The following AGBL2 variants were observed in gnomAD, a reference collection of about 807,000 sequenced individuals.
The protein encoded by AGBL2 is AGBL carboxypeptidase 2, also known as cytosolic carboxypeptidase 2.
In AGBL2, 87 loss-of-function variants were observed where a neutral mutation model predicts 103.0. That is an observed-to-expected ratio of 0.84 (90% confidence interval 0.71 to 1.01). AGBL2 has a LOEUF of 1.01. AGBL2 is among the 50% of genes least tolerant of loss of function. The probability of loss-of-function intolerance (pLI) is 0.00; values close to 1 mark genes in which losing one functional copy is unlikely to be tolerated. For synonymous variants in AGBL2, 335 were observed against 356.7 expected (o/e 0.94, Z 0.69); for missense variants, 904 against 1,023.5 (o/e 0.88, Z 1.59).
chr11:47,663,780 T>A (rs1004804189), intron 17 of AGBL2, among the ~76,000 whole-genome samples: 5 of 151,918 alleles, frequency 3.3e-5, no homozygotes, highest in African/African-American at 1.2e-4. Context: ...GGTCTTGAAC[T>A]CCCGACCTCA....
chr11:47,681,322 T>A (rs2097400343), intron 12 of AGBL2, among the ~76,000 whole-genome samples: 1 of 151,734 alleles, frequency 6.6e-6, no homozygotes, highest in East Asian at 1.9e-4. Flanking sequence ...AAAGAAACCC[T>A]GTCTCAAAAA....
At position 47,714,717 on chromosome 11, in the gene AGBL2, A is replaced by G. The variant is rs1296305160; in HGVS notation, c.-67T>C. 1 of 1,471,882 alleles carries G rather than the reference A, an allele frequency of 6.8e-7. No homozygotes were observed. Among genetic ancestry groups the G allele is most frequent in the Non-Finnish European group, 9.5e-7 (1 of 1,050,956 alleles). The allele number at this position is 1,471,882 out of a possible 1,614,324, so 91.2% of individuals were successfully genotyped here. ...AGCATCCAGTCGCAAACCCTGCCCAATTTCCAAATAGGCAGCTGATTACAC... is the reference window on the plus strand; with the variant it reads ...AGCATCCAGTCGCAAACCCTGCCCAGTTTCCAAATAGGCAGCTGATTACAC... On this transcript the variant is annotated 5_prime_UTR_variant, in exon 2 of 19. Transcript: ENST00000525123.
chr11:47,668,371 C>T (rs1368744685), intron 15 of AGBL2, among the ~76,000 whole-genome samples: 4 of 151,926 alleles, frequency 2.6e-5, no homozygotes, highest in Non-Finnish European at 4.4e-5. Context: ...GTGGCATGTG[C>T]CTGTAATCCC....
chr11:47,705,232 A>G (rs1223119524), intron 6 of AGBL2: 2 of 153,074 alleles, frequency 1.3e-5, no homozygotes, highest in African/African-American at 4.8e-5. Context: ...GACATAAAAC[A>G]AAGAAGATGG....
At position 47,682,805 on chromosome 11, in the gene AGBL2, C is replaced by T. The variant is rs369097888; in HGVS notation, c.1789-710G>A. On this transcript the variant is annotated intron_variant, in intron 11 of 18. Coordinates refer to ENST00000525123, the MANE Select transcript of AGBL2 (RefSeq NM_024783.4). ...AGTTGGAAAGTATCTCATTGTCCAG[C>T]GATTTTTAAATTGTGCTCTGTGGAA... Among the ~76,000 whole-genome samples, 9 of 152,168 alleles carry T rather than the reference C, an allele frequency of 5.9e-5. No homozygotes were observed. The East Asian group carries it at 9.6e-4, about 16-fold the overall frequency.
At chr11:47,697,766 T>C (rs558925957) in intron 8 of AGBL2, among the ~76,000 whole-genome samples, 11 of 151,604 alleles carry the variant, frequency 7.3e-5, no homozygotes, top group Non-Finnish European at 1.3e-4. Flanking sequence ...CAGGATGGTC[T>C]CAATTTCCTG....
chr11:47,713,149 G>A (rs916554430), intron 3 of AGBL2, among the ~76,000 whole-genome samples: 2 of 151,864 alleles, frequency 1.3e-5, no homozygotes, highest in African/African-American at 4.8e-5. Context: ...AGACCAGCCT[G>A]GCCAACATGT....
At chr11:47,679,251 A>G (rs1402087887) in intron 13 of AGBL2, among the ~76,000 whole-genome samples, 2 of 151,744 alleles carry the variant, frequency 1.3e-5, no homozygotes, top group African/African-American at 4.8e-5. Context: ...CCCTGTCTCT[A>G]TAAAAGCTTA....
chr11:47,706,034 T>A lies in AGBL2; in HGVS notation c.233-117A>T. 3 of 778,868 alleles carry A rather than the reference T, an allele frequency of 3.9e-6. No homozygotes were observed. The South Asian group carries it at 4.4e-5, about 11-fold the overall frequency. The allele number at this position is 778,868 out of a possible 1,614,324, so 48.2% of individuals were successfully genotyped here. A position where few individuals can be genotyped will look rare whatever the true frequency, so the allele number is the denominator to read the frequency against. Reference sequence around the variant, plus strand: ...CTCACTCTGGACCCCTGCATTTCTATCTAAATCTTTCTCCCATACTTTAAT... The same window carrying A: ...CTCACTCTGGACCCCTGCATTTCTAACTAAATCTTTCTCCCATACTTTAAT... On this transcript the variant is annotated intron_variant, in intron 4 of 18. Transcript: ENST00000525123.
intron 13 of AGBL2, among the ~76,000 whole-genome samples, chr11:47,678,343 A>ATTATTTTATTTTTTTTTTTTTTTTTTT (rs2097385523): frequency 2.6e-5 from 3 of 116,762 alleles, no homozygotes; most frequent in Non-Finnish European, 5.7e-5. Flanking sequence ...TTATTATTTT[A>ATTATTTTATTTTTTTTTTTTTTTTTTT]TTTTTTTTGA....
rs554686158 is a variant in AGBL2 at position 47,714,766 on chromosome 11, A to G, written c.-100-16T>C. ...ACAAGAGAAGCTACAAAGCCACAAG[A>G]GGACAAGTGAAAAAACTGCCAATAC... On this transcript the variant is annotated splice_polypyrimidine_tract_variant and intron_variant, in intron 1 of 18. Coordinates refer to ENST00000525123, the MANE Select transcript of AGBL2 (RefSeq NM_024783.4). 133 of 1,080,978 alleles carry G rather than the reference A, an allele frequency of 1.2e-4. 2 individuals carry two copies. The East Asian group carries it at 3.1e-3, about 25-fold the overall frequency. The allele number at this position is 1,080,978 out of a possible 1,614,324, so 67.0% of individuals were successfully genotyped here. A position where few individuals can be genotyped will look rare whatever the true frequency, so the allele number is the denominator to read the frequency against.
In AGBL2 at chr11:47,699,531, T is replaced by A; in HGVS notation, c.609A>T (p.Glu203Asp). The A allele has an allele frequency of 6.2e-7, 1 of 1,608,264 alleles. No individual in the cohort carries two copies. The change falls in exon 8 of 19, where the codon GAA becomes GAT. Residue 203 changes from glutamate to aspartate, a missense_variant. Transcript: ENST00000525123. ...CATTTCCTTTAGGCTGATAGAAATA[T>A]TCTGGTTGAGGTGGAGCCCACTCTG... ...HHIEWAPPQP[E>D]YFYQPKGNEK...
intron 14 of AGBL2, among the ~76,000 whole-genome samples, chr11:47,674,812 T>C (rs948769325): frequency 6.6e-6 from 1 of 151,814 alleles, no homozygotes; most frequent in Non-Finnish European, 1.5e-5. Flanking sequence ...CTCGGCTCAC[T>C]GCAACCTCCG....
rs774994505 is a variant in AGBL2 at position 47,682,079 on chromosome 11, C to T, written c.1805G>A (p.Cys602Tyr). The T allele has an allele frequency of 1.9e-6, 3 of 1,613,654 alleles. No individual in the cohort carries two copies. Among genetic ancestry groups the T allele is most frequent in the South Asian group, 2.2e-5 (2 of 91,042 alleles). ...NAPDKFSFHS[C>Y]NFKVQKCKEG... ...TTTGCATTTTTGGACCTTAAAATTACAACTGTGAAAAGAGAACTAAAAAGA... is the reference window on the plus strand; with the variant it reads ...TTTGCATTTTTGGACCTTAAAATTATAACTGTGAAAAGAGAACTAAAAAGA... Residue 602 changes from cysteine to tyrosine, a missense_variant, in exon 12 of 19, where the codon TGT becomes TAT. Coordinates refer to ENST00000525123, the MANE Select transcript of AGBL2 (RefSeq NM_024783.4).
At chr11:47,685,868 A>G in intron 11 of AGBL2, 25 bp downstream of exon 11, 1 of 1,607,466 alleles carries the variant, frequency 6.2e-7, no homozygotes, top group Non-Finnish European at 8.5e-7. Flanking sequence ...AACTCAATGG[A>G]GAGAAAATTA....
rs117216255 is a variant in AGBL2 at position 47,680,039 on chromosome 11, A to G, written c.1950T>C (p.Asp650=). The G allele has an allele frequency of 1.7e-4, 282 of 1,612,402 alleles. No individual in the cohort carries two copies. Among genetic ancestry groups the G allele is most frequent in the Non-Finnish European group, 2.2e-4 (262 of 1,178,746 alleles). ...NKRDTHFTIE[D]LKSLGYHVCD... is the part of the protein sequence containing the mutation. ...AGACATGATAACCTAAGGACTTCAG[A>G]TCTTCGATGGTAAAGTGGGTGTCTC... Residue 650 remains aspartate (D), a synonymous_variant, in exon 13 of 19, where the codon GAT becomes GAC. Coordinates refer to ENST00000525123, the MANE Select transcript of AGBL2 (RefSeq NM_024783.4).
At chr11:47,673,948 C>CA (rs909507833) in intron 14 of AGBL2, among the ~76,000 whole-genome samples, 5 of 150,124 alleles carry the variant, frequency 3.3e-5, no homozygotes, top group African/African-American at 1.2e-4. Flanking sequence ...AAAAATTAGC[C>CA]AGCCGTGGTG....
At chr11:47,680,123 T>G (rs2153803582) in intron 12 of AGBL2, 50 bp from the exon 13 acceptor site, 1 of 1,157,118 alleles carries the variant, frequency 8.6e-7, no homozygotes, top group East Asian at 2.4e-5. Context: ...TCTTAGTGAC[T>G]GAATGTAAAT....
chr11:47,714,329 C>CA lies in AGBL2; in HGVS notation c.51dup (p.Glu18Ter). ...TGGAGGTGACGGTACATAAAGTCTT[C>CA]ATAAGGATCAGGAATAGTCTGTGAA... On this transcript the variant is annotated frameshift_variant, in exon 3 of 19. Coordinates refer to ENST00000525123, the MANE Select transcript of AGBL2 (RefSeq NM_024783.4). LOFTEE classifies it high-confidence loss of function. 6.2e-7 allele frequency: 1 copy of CA among 1,612,502 alleles called. No homozygotes were observed. The highest frequency in any genetic ancestry group is 8.5e-7 in the Non-Finnish European group (1 of 1,179,372).
Sources: gnomAD v4.1 joint callset for allele counts (sites outside exome capture counted in the v4.1 genomes callset) on GRCh38, gnomAD v4.1.1 for gene constraint, MANE v1.5 for transcripts, NCBI Gene and HGNC (gene_info 2026-07-23, HGNC 2026-07-21) for gene names.